Variants in BCAS3 observed in about 807,000 individuals in gnomAD.
BCAS3 encodes BCAS4/BCAS3 fusion.
A neutral mutation model predicts 116.1 loss-of-function variants in BCAS3; 53 were observed. The ratio of observed to expected loss-of-function variants is 0.46; its 90% CI spans 0.37 to 0.57. The LOEUF is 0.57. BCAS3 is among the 20% of genes least tolerant of loss of function. The pLI, the probability that BCAS3 is intolerant of heterozygous loss-of-function variation, is 0.00. For synonymous variants in BCAS3, 391 were observed against 408.2 expected (o/e 0.96, Z 0.51); for missense variants, 917 against 1,165.4 (o/e 0.79, Z 3.10).
chr17:61,152,163 C>G (rs1449938288), intron 22 of BCAS3, among the ~76,000 whole-genome samples: 3 of 152,170 alleles, frequency 2.0e-5, no homozygotes, highest in Non-Finnish European at 4.4e-5. Flanking sequence ...AGCAAAAGAA[C>G]AAAGCTTTCA....
rs2081028629 is a variant in BCAS3 at position 61,204,728 on chromosome 17, T to C, written c.2425+120164T>C. 6.6e-6 allele frequency among the ~76,000 whole-genome samples: 1 copy of C among 152,140 alleles called. No individual in the cohort carries two copies. The highest frequency in any genetic ancestry group is 2.4e-5 in the African/African-American group (1 of 41,440). ...GAATGAAAAACTGCCTTGGAACTTA[T>C]TAATAAGCATTTAGAAAAACTCGAC... On this transcript the variant is annotated intron_variant, in intron 22 of 23. Coordinates refer to ENST00000407086, the MANE Select transcript of BCAS3 (RefSeq NM_017679.5). The surrounding 1 kb of genome is among the most constrained non-coding windows in gnomAD (Gnocchi z 4.2).
chr17:60,761,655 G>T (rs187671555), intron 6 of BCAS3, among the ~76,000 whole-genome samples: 1 of 152,052 alleles, frequency 6.6e-6, no homozygotes, highest in Non-Finnish European at 1.5e-5. Context: ...GAGTAGTGCC[G>T]CAATAAACAT....
At chr17:61,066,343 C>T (rs542820224) in intron 19 of BCAS3, among the ~76,000 whole-genome samples, 111 of 152,218 alleles carry the variant, frequency 7.3e-4, no homozygotes, top group Non-Finnish European at 1.3e-3. Flanking sequence ...AAGCACTGCT[C>T]GATGTTCATT....
At position 60,962,926 on chromosome 17, in the gene BCAS3, G is replaced by A. The variant is rs894910390; in HGVS notation, c.1221+15574G>A. ...TGATTTGATTTTTGTTATGGTGAGAGATAGAGGTCTAGTTTCATTCTTCTG... is the reference window on the plus strand; with the variant it reads ...TGATTTGATTTTTGTTATGGTGAGAAATAGAGGTCTAGTTTCATTCTTCTG... On this transcript the variant is annotated intron_variant, in intron 14 of 23. Coordinates refer to ENST00000407086, the MANE Select transcript of BCAS3 (RefSeq NM_017679.5). This position sits in a 1 kb window ranked among gnomAD's most constrained non-coding sequence, Gnocchi z 4.4. Among the ~76,000 whole-genome samples, 14 of 152,150 alleles carry A rather than the reference G, an allele frequency of 9.2e-5. No homozygotes were observed. Among genetic ancestry groups the A allele is most frequent in the African/African-American group, 3.1e-4 (13 of 41,428 alleles).
chr17:61,296,265 T>C (rs2052897944), intron 22 of BCAS3, among the ~76,000 whole-genome samples: 1 of 152,196 alleles, frequency 6.6e-6, no homozygotes. Context: ...GGTGGTTACC[T>C]TGAGTTAGCC....
At chr17:60,929,700 C>A (rs1342732849) in intron 13 of BCAS3, among the ~76,000 whole-genome samples, 1 of 142,368 alleles carries the variant, frequency 7.0e-6, no homozygotes, top group Non-Finnish European at 1.5e-5. Context: ...GGTATATCTC[C>A]TAATGCTATC....
chr17:60,968,327 A>C (rs979686851), intron 14 of BCAS3, among the ~76,000 whole-genome samples: 15 of 151,966 alleles, frequency 9.9e-5, no homozygotes, highest in Non-Finnish European at 1.8e-4. Flanking sequence ...GCAATCCTCT[A>C]ACCTCAGCCT....
chr17:60,921,540 G>A (rs2145147021), intron 12 of BCAS3, among the ~76,000 whole-genome samples: 1 of 149,910 alleles, frequency 6.7e-6, no homozygotes, highest in East Asian at 2.0e-4. Context: ...GTGAACCCGG[G>A]AGGCGGAGCT....
intron 6 of BCAS3, among the ~76,000 whole-genome samples, chr17:60,783,795 A>G (rs1480748586): frequency 1.3e-5 from 2 of 152,190 alleles, no homozygotes; most frequent in Non-Finnish European, 2.9e-5. Context: ...TCACAGTTAT[A>G]TACAGAGTTT....
intron 6 of BCAS3, among the ~76,000 whole-genome samples, chr17:60,790,671 G>A (rs1268092312): frequency 6.7e-6 from 1 of 149,962 alleles, no homozygotes; most frequent in East Asian, 2.0e-4. Context: ...TATAGGCACT[G>A]ATTATTATAT....
At chr17:60,780,922 G>T (rs77788144) in intron 6 of BCAS3, among the ~76,000 whole-genome samples, 2 of 151,962 alleles carry the variant, frequency 1.3e-5, no homozygotes, top group African/African-American at 4.8e-5. Flanking sequence ...AAATTTTGAC[G>T]CTTTAAAGTA....
chr17:60,808,789 A>T (rs1164279320), intron 7 of BCAS3, among the ~76,000 whole-genome samples: 5 of 152,194 alleles, frequency 3.3e-5, no homozygotes, highest in African/African-American at 1.2e-4. Context: ...CAAAATAATT[A>T]TGAAATAATG....
chr17:60,806,330 T>C (rs1425495886), intron 6 of BCAS3, among the ~76,000 whole-genome samples: 1 of 152,220 alleles, frequency 6.6e-6, no homozygotes, highest in Non-Finnish European at 1.5e-5. Context: ...CTTCTTGGTA[T>C]GTAGGAAGGT....
Position 61,065,129 on chromosome 17 carries a change from T to C in BCAS3, c.2030-9791T>C, listed in dbSNP as rs1421512947. On this transcript the variant is annotated intron_variant, in intron 19 of 23. Coordinates refer to ENST00000407086, the MANE Select transcript of BCAS3 (RefSeq NM_017679.5). The surrounding 1 kb of genome is among the most constrained non-coding windows in gnomAD (Gnocchi z 4.8). ...CACACTTTAATTTTTGCCACTTTGA[T>C]ATGTATGCAATGATAACTTGAATCA... Among the ~76,000 whole-genome samples, 3 of 152,186 alleles carry C rather than the reference T, an allele frequency of 2.0e-5. No homozygotes were observed. The highest frequency in any genetic ancestry group is 2.9e-5 in the Non-Finnish European group (2 of 68,026).
chr17:60,757,394 ATGTGTGTGTGTGTGTGTG>A (rs61645091), intron 6 of BCAS3, among the ~76,000 whole-genome samples: 37 of 136,680 alleles, frequency 2.7e-4, no homozygotes, highest in Non-Finnish European at 4.9e-4. Context: ...CAGCATGTAT[ATGTGTGTGTGTGTGTGTG>A]TGTGTGTGTG....
At position 61,144,937 on chromosome 17, in the gene BCAS3, A is replaced by G. The variant is rs1310651547; in HGVS notation, c.2425+60373A>G. Reference sequence around the variant, plus strand: ...CTAAACCTGTTTGGCTCACCACCATAAGGTTTAAAACATAAAAATATAAAA... The same window carrying G: ...CTAAACCTGTTTGGCTCACCACCATGAGGTTTAAAACATAAAAATATAAAA... On this transcript the variant is annotated intron_variant, in intron 22 of 23. Transcript: ENST00000407086. The surrounding 1 kb of genome is among the most constrained non-coding windows in gnomAD (Gnocchi z 5.0). Among the ~76,000 whole-genome samples, 2 of 152,206 alleles carry G rather than the reference A, an allele frequency of 1.3e-5. No individual in the cohort carries two copies. The highest frequency in any genetic ancestry group is 1.9e-4 in the East Asian group (1 of 5,196).
Position 61,128,344 on chromosome 17 carries a change from T to C in BCAS3, c.2425+43780T>C. 2.0e-6 allele frequency: 2 copies of C among 985,390 alleles called. No homozygotes were observed. Among genetic ancestry groups the C allele is most frequent in the Non-Finnish European group, 2.4e-6 (2 of 829,924 alleles). 61.0% of individuals were successfully genotyped at this position (985,390 alleles called of 1,614,324 possible). ...GAAATATGCAGAGCTCCATTCCAGTTCCTTTCTTATTTGTTTGATGTACAG... is the reference window on the plus strand; with the variant it reads ...GAAATATGCAGAGCTCCATTCCAGTCCCTTTCTTATTTGTTTGATGTACAG... On this transcript the variant is annotated intron_variant, in intron 22 of 23. Transcript: ENST00000407086. This position sits in a 1 kb window ranked among gnomAD's most constrained non-coding sequence, Gnocchi z 4.1.
At position 61,251,017 on chromosome 17, in the gene BCAS3, C is replaced by G. The variant is rs891437895; in HGVS notation, c.2426-117310C>G. Among the ~76,000 whole-genome samples the G allele has an allele frequency of 1.3e-5, 2 of 152,168 alleles. No individual in the cohort carries two copies. Among genetic ancestry groups the G allele is most frequent in the Admixed American group, 1.3e-4 (2 of 15,272 alleles). On this transcript the variant is annotated intron_variant, in intron 22 of 23. Coordinates refer to ENST00000407086, the MANE Select transcript of BCAS3 (RefSeq NM_017679.5). The surrounding 1 kb of genome is among the most constrained non-coding windows in gnomAD (Gnocchi z 4.7). Reference sequence around the variant, plus strand: ...TCTAATTCTACTACTTCCTCCTCCCCAAGAATTCAGATGGTGAAACACCCT... The same window carrying G: ...TCTAATTCTACTACTTCCTCCTCCCGAAGAATTCAGATGGTGAAACACCCT...
chr17:60,732,936 A>G (rs2040606851), intron 5 of BCAS3, among the ~76,000 whole-genome samples: 1 of 152,244 alleles, frequency 6.6e-6, no homozygotes, highest in African/African-American at 2.4e-5. Context: ...ATTAAATATT[A>G]ATAGCATGAT....
Sources: allele counts gnomAD v4.1 joint callset (sites outside exome capture counted in the v4.1 genomes callset), GRCh38; gene constraint gnomAD v4.1.1; non-coding constraint Gnocchi (gnomAD v3.1); transcripts MANE v1.5; gene names NCBI Gene and HGNC (gene_info 2026-07-23, HGNC 2026-07-21).